The following GGT7 variants were observed in gnomAD, a reference collection of about 807,000 sequenced individuals.
GGT7 encodes the protein gamma-glutamyltransferase 7.
In GGT7, 30 loss-of-function variants were observed where a neutral mutation model predicts 69.2. That is an observed-to-expected ratio of 0.43 (90% CI 0.32 to 0.59). The LOEUF (loss-of-function observed/expected upper bound fraction) is 0.59, where lower values mean the gene tolerates loss of function less well. Among genes scored for constraint, GGT7 ranks in the 20% least tolerant of loss-of-function variants. GGT7 has a pLI of 0.05. For synonymous variants in GGT7, 388 were observed against 391.8 expected (o/e 0.99, Z 0.12); for missense variants, 733 against 901.1 (o/e 0.81, Z 2.39).
At chr20:34,872,155 T>C (rs2079790375) in intron 1 of GGT7, 1 of 152,562 alleles carries the variant, frequency 6.6e-6, no homozygotes, top group East Asian at 1.9e-4. Context: ...AGGGGAATCA[T>C]ATTCTCTTTA....
intron 8 of GGT7, 116 bp downstream of exon 8, chr20:34,856,690 C>T: frequency 1.5e-6 from 1 of 683,622 alleles, no homozygotes; most frequent in South Asian, 1.6e-5. Flanking sequence ...CCAGGTAGCT[C>T]ACTGCCTTAG....
chr20:34,850,177 C>T, intron 13 of GGT7, 117 bp from the exon 14 acceptor site: 1 of 800,192 alleles, frequency 1.2e-6, no homozygotes, highest in East Asian at 2.4e-5. Flanking sequence ...CACCGGGTGT[C>T]ATCTGAGCCT....
At chr20:34,859,101 C>T (rs112789554) in intron 7 of GGT7, among the ~76,000 whole-genome samples, 9,080 of 151,234 alleles carry the variant, frequency 0.06, 311 homozygotes, top group East Asian at 0.078. Flanking sequence ...ACCTGGGAGG[C>T]GGAGGTTGCA....
chr20:34,862,903 C>G lies in GGT7; in HGVS notation c.468G>C (p.Val156=). 1 of 1,614,136 alleles carries G rather than the reference C, an allele frequency of 6.2e-7. No homozygotes were observed. The highest frequency in any genetic ancestry group is 8.5e-7 in the Non-Finnish European group (1 of 1,179,994). Residue 156 remains valine, a synonymous_variant, in exon 3 of 15, where the codon GTG becomes GTC. Transcript: ENST00000336431. ...AARCTSLGIE[V]LSKQGSSVDA... is the part of the protein sequence containing the mutation. ...CCACAGAAGATCCCTGTTTACTGAG[C>G]ACCTCGATGCCCAGTGAAGTGCAGC...
In GGT7 at chr20:34,863,586, T is replaced by G; in HGVS notation, c.170-38A>C. On this transcript the variant is annotated intron_variant, in intron 1 of 14. Coordinates refer to ENST00000336431, the MANE Select transcript of GGT7 (RefSeq NM_178026.3). The surrounding 1 kb of genome is among the most constrained non-coding windows in gnomAD (Gnocchi z 4.4). Reference sequence around the variant, plus strand: ...AGCCGGGGTCGGTCTGGGCATCTCCTATCTGGCCCTGCCCACCCTCCAGGT... The same window carrying G: ...AGCCGGGGTCGGTCTGGGCATCTCCGATCTGGCCCTGCCCACCCTCCAGGT... The G allele has an allele frequency of 3.6e-6, 5 of 1,370,396 alleles. No individual in the cohort carries two copies. The highest frequency in any genetic ancestry group is 5.1e-6 in the Non-Finnish European group (5 of 983,486). The allele number at this position is 1,370,396 out of a possible 1,614,324, so 84.9% of individuals were successfully genotyped here. A position where few individuals can be genotyped will look rare whatever the true frequency, so the allele number is the denominator to read the frequency against.
chr20:34,850,709 C>T (rs2146885778), intron 13 of GGT7: 1 of 387,822 alleles, frequency 2.6e-6, no homozygotes, highest in East Asian at 7.2e-5. Context: ...CAGCATCACA[C>T]AGTTACAAAT....
chr20:34,846,312 C>CTTTCTTT (rs149165215), intron 14 of GGT7, among the ~76,000 whole-genome samples: 1 of 119,306 alleles, frequency 8.4e-6, no homozygotes, highest in African/African-American at 3.0e-5. Flanking sequence ...TTCTTTCTTT[C>CTTTCTTT]TTTTTTTTGA....
rs764689585 is a variant in GGT7 at position 34,845,311 on chromosome 20, C to T, written c.*17G>A. The T allele has an allele frequency of 2.1e-5, 34 of 1,604,382 alleles. No individual in the cohort carries two copies. Among genetic ancestry groups the T allele is most frequent in the Non-Finnish European group, 2.3e-5 (27 of 1,174,824 alleles). Reference sequence around the variant, plus strand: ...ATGCAAAGTGGGGGAGCAGAGACCCCGCCCCACCCCGCTGCTCTACAGGAT... The same window carrying T: ...ATGCAAAGTGGGGGAGCAGAGACCCTGCCCCACCCCGCTGCTCTACAGGAT... On this transcript the variant is annotated 3_prime_UTR_variant, in exon 15 of 15. Coordinates refer to ENST00000336431, the MANE Select transcript of GGT7 (RefSeq NM_178026.3).
intron 12 of GGT7, among the ~76,000 whole-genome samples, chr20:34,851,838 C>A (rs1439276922): frequency 1.3e-5 from 2 of 152,224 alleles, no homozygotes; most frequent in East Asian, 1.9e-4. Context: ...TAGTCACAGA[C>A]CGCTAGTGCT....
intron 13 of GGT7, chr20:34,850,990 C>G: frequency 1.5e-6 from 1 of 674,126 alleles, no homozygotes; most frequent in South Asian, 1.6e-5. Context: ...ACTTTTCAAT[C>G]TACTGACCCT....
At chr20:34,869,094 G>A (rs1256702780) in intron 1 of GGT7, among the ~76,000 whole-genome samples, 1 of 151,968 alleles carries the variant, frequency 6.6e-6, no homozygotes, top group East Asian at 1.9e-4. Context: ...CTTGGCTAGA[G>A]GCTAGGGTCA....
intron 14 of GGT7, among the ~76,000 whole-genome samples, 197 bp downstream of exon 14, chr20:34,849,764 T>C (rs1241680489): frequency 2.0e-5 from 3 of 152,182 alleles, no homozygotes; most frequent in African/African-American, 7.2e-5. Flanking sequence ...GAGACATGGA[T>C]TTCCCAAGGC....
Position 34,845,155 on chromosome 20 carries a change from A to ACCACCACCACCACCACCACCACCACC in GGT7, c.*172_*173insGGTGGTGGTGGTGGTGGTGGTGGTGG. The ACCACCACCACCACCACCACCACCACC allele has an allele frequency of 6.3e-6, 1 of 157,674 alleles. No homozygotes were observed. The highest frequency in any genetic ancestry group is 1.4e-4 in the East Asian group (1 of 6,906). 9.8% of individuals were successfully genotyped at this position (157,674 alleles called of 1,614,324 possible). A position where few individuals can be genotyped will look rare whatever the true frequency, so the allele number is the denominator to read the frequency against. On this transcript the variant is annotated 3_prime_UTR_variant, in exon 15 of 15. Transcript: ENST00000336431. ...CCACCACCACCACCACCACCACCACAGGCCTCCTGATGGAGAATTTTCCAG... is the reference window on the plus strand; with the variant it reads ...CCACCACCACCACCACCACCACCACACCACCACCACCACCACCACCACCACCGGCCTCCTGATGGAGAATTTTCCAG...
In GGT7 at chr20:34,851,103, A is replaced by G. The variant is rs58081942; in HGVS notation, c.1725+128T>C. On this transcript the variant is annotated intron_variant, in intron 13 of 14. Coordinates refer to ENST00000336431, the MANE Select transcript of GGT7 (RefSeq NM_178026.3). ...CCACATTGCCCAGGATGCGCCTGGC[A>G]CAAAACAGCCTCAGCCCATGTTTGC... The G allele has an allele frequency of 0.019, 22,819 of 1,225,854 alleles. 2,971 individuals are homozygous for G. In the African/African-American group the frequency reaches 0.29, roughly 16 times the overall value. 75.9% of individuals were successfully genotyped at this position (1,225,854 alleles called of 1,614,324 possible). A position where few individuals can be genotyped will look rare whatever the true frequency, so the allele number is the denominator to read the frequency against.
intron 14 of GGT7, among the ~76,000 whole-genome samples, chr20:34,848,025 G>A (rs1270551875): frequency 6.6e-6 from 1 of 152,172 alleles, no homozygotes; most frequent in Non-Finnish European, 1.5e-5. Context: ...CCCAGGAGGT[G>A]GAGGTTGAAG....
intron 8 of GGT7, among the ~76,000 whole-genome samples, chr20:34,855,823 TCTCA>T (rs2079482836): frequency 2.0e-5 from 1 of 50,378 alleles, no homozygotes; most frequent in Non-Finnish European, 4.1e-5. Flanking sequence ...GTGATAATGG[TCTCA>T]CTCTGTCACC....
At chr20:34,866,742 G>A (rs557208578) in intron 1 of GGT7, among the ~76,000 whole-genome samples, 1 of 152,136 alleles carries the variant, frequency 6.6e-6, no homozygotes, top group African/African-American at 2.4e-5. Context: ...ACCACGCCTA[G>A]CTAATTTTTT....
At chr20:34,866,074 C>T (rs189574855) in intron 1 of GGT7, among the ~76,000 whole-genome samples, 4 of 152,228 alleles carry the variant, frequency 2.6e-5, no homozygotes, top group Non-Finnish European at 4.4e-5. Context: ...CATCTAAGCT[C>T]CTTGTGGTGT....
At chr20:34,855,526 G>A (rs1447813795) in intron 8 of GGT7, among the ~76,000 whole-genome samples, 2 of 152,146 alleles carry the variant, frequency 1.3e-5, no homozygotes, top group African/African-American at 4.8e-5. Context: ...AGCACTCAAG[G>A]TACTAGCATT....
Sources: gnomAD v4.1 joint callset for allele counts (sites outside exome capture counted in the v4.1 genomes callset) on GRCh38, gnomAD v4.1.1 for gene constraint, Gnocchi (gnomAD v3.1) non-coding constraint, MANE v1.5 for transcripts, NCBI Gene and HGNC (gene_info 2026-07-23, HGNC 2026-07-21) for gene names.